The following MAP3K4 variants were observed in gnomAD, a reference collection of about 807,000 sequenced individuals.
MAP3K4 encodes the protein MAP three kinase 1.
Under a neutral mutation model 185.6 loss-of-function variants are expected in MAP3K4, and 67 were observed. The observed-to-expected ratio is 0.36, with a 90% CI of 0.30 to 0.44. The LOEUF is 0.44. Among genes scored for constraint, MAP3K4 ranks in the 20% least tolerant of loss-of-function variants. MAP3K4 has a pLI of 1.00. For synonymous variants in MAP3K4, 702 were observed against 710.4 expected (o/e 0.99, Z 0.19); for missense variants, 1,551 against 1,995.1 (o/e 0.78, Z 4.24).
Position 160,996,168 on chromosome 6 carries a change from G to A in MAP3K4, c.152+4085G>A, listed in dbSNP as rs1458368002. Among the ~76,000 whole-genome samples the A allele has an allele frequency of 6.6e-6, 1 of 152,196 alleles. No homozygotes were observed. Among genetic ancestry groups the A allele is most frequent in the Non-Finnish European group, 1.5e-5 (1 of 68,040 alleles). ...AAAGTCAGCCTCCTGTGGTGCTCCA[G>A]ACTGTTGGTGTAGCATCAGTGATGG... On this transcript the variant is annotated intron_variant, in intron 1 of 26. Transcript: ENST00000392142. The surrounding 1 kb of genome is among the most constrained non-coding windows in gnomAD (Gnocchi z 4.5).
Position 161,097,372 on chromosome 6 carries a change from G to A in MAP3K4, c.3524+196G>A, listed in dbSNP as rs932792818. On this transcript the variant is annotated intron_variant, in intron 16 of 26. Coordinates refer to ENST00000392142, the MANE Select transcript of MAP3K4 (RefSeq NM_005922.4). This position sits in a 1 kb window ranked among gnomAD's most constrained non-coding sequence, Gnocchi z 4.9. The stretch of plus-strand genomic sequence containing the variant: ...AGACATGCAAATTTAAAACAGACCT[G>A]TGCCTTTCAAGATAACTTCGTTTCT... Among the ~76,000 whole-genome samples the A allele has an allele frequency of 6.6e-6, 1 of 152,216 alleles. No individual in the cohort carries two copies. Among genetic ancestry groups the A allele is most frequent in the African/African-American group, 2.4e-5 (1 of 41,458 alleles).
intron 1 of MAP3K4, among the ~76,000 whole-genome samples, chr6:161,033,959 C>G (rs1783042644): frequency 6.6e-6 from 1 of 152,066 alleles, no homozygotes; most frequent in Non-Finnish European, 1.5e-5. Context: ...GTTTTTAGTT[C>G]TATATTTCAT....
At position 161,067,075 on chromosome 6, in the gene MAP3K4, C is replaced by G; in HGVS notation, c.1708-3533C>G. 1 of 175,640 alleles carries G rather than the reference C, an allele frequency of 5.7e-6. No homozygotes were observed. The highest frequency in any genetic ancestry group is 1.0e-4 in the South Asian group (1 of 9,572). The allele number at this position is 175,640 out of a possible 1,614,324, so 10.9% of individuals were successfully genotyped here. On this transcript the variant is annotated intron_variant, in intron 3 of 26. Transcript: ENST00000392142. The surrounding 1 kb of genome is among the most constrained non-coding windows in gnomAD (Gnocchi z 6.3). ...TTAACCCTGAATATCTGAGACAGGT[C>G]TGTTAATTTAGAAAGTTTGTTTTGC...
rs1778129099 is a variant in MAP3K4 at position 161,107,302 on chromosome 6, A to G, written c.4048+597A>G. On this transcript the variant is annotated intron_variant, in intron 20 of 26. Transcript: ENST00000392142. This position sits in a 1 kb window ranked among gnomAD's most constrained non-coding sequence, Gnocchi z 6.2. ...AGGGGGCGAACACAGTTGTATGAAT[A>G]ATATGGGACTTTGTCAGCCTGAGGA... Among the ~76,000 whole-genome samples, 1 of 152,186 alleles carries G rather than the reference A, an allele frequency of 6.6e-6. No individual in the cohort carries two copies. The highest frequency in any genetic ancestry group is 1.5e-5 in the Non-Finnish European group (1 of 68,046).
Position 161,087,956 on chromosome 6 carries a change from T to C in MAP3K4, c.2823+2T>C. ...GTTGACACCCTGAGAAGCATGCAGG[T>C]ACAGCTCATCTCCATCTTTGCAGCA... On this transcript the variant is annotated splice_donor_variant, in intron 10 of 26. Transcript: ENST00000392142. LOFTEE classifies it high-confidence loss of function. This position sits in a 1 kb window ranked among gnomAD's most constrained non-coding sequence, Gnocchi z 4.9. The C allele has an allele frequency of 1.9e-6, 3 of 1,608,110 alleles. No homozygotes were observed. Among genetic ancestry groups the C allele is most frequent in the Non-Finnish European group, 2.5e-6 (3 of 1,178,438 alleles).
chr6:160,992,940 C>G (rs1438730413), intron 1 of MAP3K4, among the ~76,000 whole-genome samples: 2 of 152,096 alleles, frequency 1.3e-5, no homozygotes, highest in Non-Finnish European at 2.9e-5. Flanking sequence ...AGTAAACTTG[C>G]AAACTGCTGC....
chr6:161,029,645 A>G (rs1037667105), intron 1 of MAP3K4, among the ~76,000 whole-genome samples: 3 of 152,226 alleles, frequency 2.0e-5, no homozygotes, highest in Non-Finnish European at 4.4e-5. Context: ...CAGCTGATGT[A>G]GACCTTGTAC....
rs1784489627 is a variant in MAP3K4 at position 161,061,651 on chromosome 6, A to G, written c.1708-8957A>G. Among the ~76,000 whole-genome samples, 1 of 152,208 alleles carries G rather than the reference A, an allele frequency of 6.6e-6. No individual in the cohort carries two copies. The highest frequency in any genetic ancestry group is 1.5e-5 in the Non-Finnish European group (1 of 68,042). On this transcript the variant is annotated intron_variant, in intron 3 of 26. Transcript: ENST00000392142. The surrounding 1 kb of genome is among the most constrained non-coding windows in gnomAD (Gnocchi z 4.2). The stretch of plus-strand genomic sequence containing the variant: ...TGCTCACTAGCCCTATCTCTAGGCA[A>G]CCGCTAATCTACTTTCTGTCTCTTA...
At chr6:161,069,556 G>A (rs778476307) in intron 3 of MAP3K4, among the ~76,000 whole-genome samples, 66 of 152,166 alleles carry the variant, frequency 4.3e-4, no homozygotes, top group Non-Finnish European at 8.8e-4. Flanking sequence ...AAGTTGTTTG[G>A]GCCATATTTG....
intron 18 of MAP3K4, 92 bp from the exon 19 acceptor site, chr6:161,102,607 T>C (rs1351225317): frequency 2.8e-6 from 2 of 726,278 alleles, no homozygotes; most frequent in East Asian, 5.9e-5. Context: ...GGCAAACAGG[T>C]TGCTTTTAAC....
chr6:161,104,451 C>T lies in MAP3K4; in HGVS notation c.3856+1672C>T, dbSNP rs562330596. On this transcript the variant is annotated intron_variant, in intron 19 of 26. Transcript: ENST00000392142. ...AAAAAAAAGCAGGCACAGTGGCTCA[C>T]ACCTGTAATCCCAGCACTTTGGGAG... Among the ~76,000 whole-genome samples the T allele has an allele frequency of 2.0e-5, 3 of 150,004 alleles. No homozygotes were observed. The South Asian group carries it at 6.4e-4, about 32-fold the overall frequency.
chr6:161,040,900 A>G (rs553774381), intron 2 of MAP3K4, among the ~76,000 whole-genome samples: 29 of 152,376 alleles, frequency 1.9e-4, no homozygotes, highest in Admixed American at 1.8e-3. Flanking sequence ...TTGATCAAAC[A>G]CTGTTCTGCA....
chr6:161,088,396 T>A lies in MAP3K4; in HGVS notation c.2823+442T>A, dbSNP rs949821946. The stretch of plus-strand genomic sequence containing the variant: ...GACAGTTTCTATAACTCATTAGTTA[T>A]AAACTATGAGAAGCTTTCTCATTTA... On this transcript the variant is annotated intron_variant, in intron 10 of 26. Transcript: ENST00000392142. The surrounding 1 kb of genome is among the most constrained non-coding windows in gnomAD (Gnocchi z 4.5). Among the ~76,000 whole-genome samples the A allele has an allele frequency of 1.3e-5, 2 of 152,330 alleles. No homozygotes were observed. Among genetic ancestry groups the A allele is most frequent in the East Asian group, 1.9e-4 (1 of 5,188 alleles).
chr6:161,005,139 CTTT>C (rs1178412146), intron 1 of MAP3K4, among the ~76,000 whole-genome samples: 7 of 140,742 alleles, frequency 5.0e-5, no homozygotes, highest in Admixed American at 7.2e-5. Flanking sequence ...AGTATATAAA[CTTT>C]TTTTTTTTTT....
In MAP3K4 at chr6:161,106,154, T is replaced by C. The variant is rs184660071; in HGVS notation, c.3857-360T>C. Among the ~76,000 whole-genome samples the C allele has an allele frequency of 1.3e-5, 2 of 152,182 alleles. No homozygotes were observed. The highest frequency in any genetic ancestry group is 2.9e-5 in the Non-Finnish European group (2 of 68,004). On this transcript the variant is annotated intron_variant, in intron 19 of 26. Coordinates refer to ENST00000392142, the MANE Select transcript of MAP3K4 (RefSeq NM_005922.4). This position sits in a 1 kb window ranked among gnomAD's most constrained non-coding sequence, Gnocchi z 4.9. Reference sequence around the variant, plus strand: ...CCAGGCCTCGTGAATTAAATTTATGTAGGACAGTAACATGATCACATTTTA... The same window carrying C: ...CCAGGCCTCGTGAATTAAATTTATGCAGGACAGTAACATGATCACATTTTA...
rs1778511915 is a variant in MAP3K4 at position 161,114,636 on chromosome 6, T to G, written c.4627-487T>G. 1.3e-5 allele frequency among the ~76,000 whole-genome samples: 2 copies of G among 152,254 alleles called. No homozygotes were observed. Among genetic ancestry groups the G allele is most frequent in the Admixed American group, 6.5e-5 (1 of 15,290 alleles). ...GCCATACACACTTAGTTCCTTCCCC[T>G]GTGAATCTCATTTTTCATAGGATCA... On this transcript the variant is annotated intron_variant, in intron 25 of 26. Coordinates refer to ENST00000392142, the MANE Select transcript of MAP3K4 (RefSeq NM_005922.4). This position sits in a 1 kb window ranked among gnomAD's most constrained non-coding sequence, Gnocchi z 4.3.
Position 161,034,526 on chromosome 6 carries a change from A to C in MAP3K4, c.343+77A>C, listed in dbSNP as rs1783073947. The stretch of plus-strand genomic sequence containing the variant: ...TGATTCTTTCAACAATAAAGTTAGC[A>C]ATTTCTTTTATTTTTAATTTGATTT... On this transcript the variant is annotated intron_variant, in intron 2 of 26. Coordinates refer to ENST00000392142, the MANE Select transcript of MAP3K4 (RefSeq NM_005922.4). This position sits in a 1 kb window ranked among gnomAD's most constrained non-coding sequence, Gnocchi z 4.4. The C allele has an allele frequency of 2.5e-6, 3 of 1,209,412 alleles. No individual in the cohort carries two copies. The highest frequency in any genetic ancestry group is 3.4e-6 in the Non-Finnish European group (3 of 879,276). 74.9% of individuals were successfully genotyped at this position (1,209,412 alleles called of 1,614,324 possible). A position where few individuals can be genotyped will look rare whatever the true frequency, so the allele number is the denominator to read the frequency against.
At chr6:161,065,706 A>G (rs551051334) in intron 3 of MAP3K4, among the ~76,000 whole-genome samples, 1 of 152,300 alleles carries the variant, frequency 6.6e-6, no homozygotes, top group Non-Finnish European at 1.5e-5. Context: ...TGGGAGGCCA[A>G]GGCGGGTGGA....
At position 161,116,350 on chromosome 6, in the gene MAP3K4, G is replaced by A. The variant is rs1228930617; in HGVS notation, c.4807-500G>A. On this transcript the variant is annotated intron_variant, in intron 26 of 26. Transcript: ENST00000392142. The surrounding 1 kb of genome is among the most constrained non-coding windows in gnomAD (Gnocchi z 6.2). The stretch of plus-strand genomic sequence containing the variant: ...TTTTGGGTAGGGCACAGGTGTGGGA[G>A]ACAGAAGTATTGCTGGGAGGGTCCA... 1.3e-5 allele frequency among the ~76,000 whole-genome samples: 2 copies of A among 151,998 alleles called. No homozygotes were observed. Among genetic ancestry groups the A allele is most frequent in the Non-Finnish European group, 2.9e-5 (2 of 68,014 alleles).
Sources: gnomAD v4.1 joint callset for allele counts (sites outside exome capture counted in the v4.1 genomes callset) on GRCh38, gnomAD v4.1.1 for gene constraint, Gnocchi (gnomAD v3.1) non-coding constraint, MANE v1.5 for transcripts, NCBI Gene and HGNC (gene_info 2026-07-23, HGNC 2026-07-21) for gene names.